TMED8: variants seen among roughly 807,000 people sequenced by gnomAD.
The protein encoded by TMED8 is transmembrane p24 trafficking protein family member 8.
TMED8 carries 15 observed loss-of-function variants against 32.7 expected under a neutral mutation model. The ratio of observed to expected loss-of-function variants is 0.46; its 90% CI spans 0.31 to 0.71. The LOEUF is 0.71. Ranked by LOEUF, TMED8 falls within the 30% of genes least tolerant of loss-of-function variation. The probability of loss-of-function intolerance (pLI) is 0.06; values close to 1 mark genes in which losing one functional copy is unlikely to be tolerated. For missense variants in TMED8, 390 were observed against 423.9 expected, an observed-to-expected ratio of 0.92 and a Z score of 0.70; for synonymous variants, 147 against 161.4, an observed-to-expected ratio of 0.91 and a Z score of 0.68.
Position 77,346,477 on chromosome 14 carries a change from G to T in TMED8, c.199C>A (p.Pro67Thr). 2 of 1,614,126 alleles carry T rather than the reference G, an allele frequency of 1.2e-6. No individual in the cohort carries two copies. The highest frequency in any genetic ancestry group is 1.7e-6 in the Non-Finnish European group (2 of 1,180,024). ...DPEPCSSPHR[P>T]QMVSPVSKDA... ...TTACTCACTGGAGATACCATCTGTG[G>T]CCTCTCAGAGGAAGAGAGCATGTTA... Residue 67 changes from proline to threonine, a missense_variant and splice_region_variant, in exon 3 of 6, where the codon CCA (proline) becomes ACA (threonine). By Grantham distance (38) the Pro-to-Thr change is conservative. Transcript: ENST00000216468.
intron 3 of TMED8, 22 bp downstream of exon 3, chr14:77,346,327 A>T (rs763652827): frequency 3.1e-6 from 5 of 1,612,468 alleles, no homozygotes; most frequent in Non-Finnish European, 3.4e-6. Context: ...TTCATAAGAA[A>T]GAGCCAGAAT....
Position 77,346,347 on chromosome 14 carries a change from A to G in TMED8, c.327+2T>C, listed in dbSNP as rs781095844. ...AAGAAAGAGCCAGAATCTGCCCCCT[A>G]CCTCATTGAGGACCTGGGCCTGGTC... On this transcript the variant is annotated splice_donor_variant, in intron 3 of 5. Coordinates refer to ENST00000216468, the MANE Select transcript of TMED8 (RefSeq NM_213601.3). LOFTEE classifies it high-confidence loss of function. 7 of 1,613,778 alleles carry G rather than the reference A, an allele frequency of 4.3e-6. No individual in the cohort carries two copies. Among genetic ancestry groups the G allele is most frequent in the African/African-American group, 4.0e-5 (3 of 74,932 alleles).
intron 1 of TMED8, among the ~76,000 whole-genome samples, chr14:77,375,367 G>A (rs914899918): frequency 6.6e-6 from 1 of 152,228 alleles, no homozygotes; most frequent in Admixed American, 6.5e-5. Flanking sequence ...TATCTAAAAC[G>A]CGTGGGTACG....
At chr14:77,346,760 G>GTTTTTTTTTTT in intron 2 of TMED8, among the ~76,000 whole-genome samples, 11 of 69,434 alleles carry the variant, frequency 1.6e-4, no homozygotes, top group Admixed American at 3.7e-4. Flanking sequence ...TGCTGGTCTG[G>GTTTTTTTTTTT]TTTTTTTTTT....
intron 2 of TMED8, among the ~76,000 whole-genome samples, chr14:77,347,459 T>G (rs149524998): frequency 2.9e-4 from 44 of 152,336 alleles, no homozygotes; most frequent in African/African-American, 1.0e-3. Context: ...TAGTTGTTTG[T>G]TTTTTGGCAG....
At chr14:77,371,552 C>T (rs186678883) in intron 1 of TMED8, among the ~76,000 whole-genome samples, 17 of 152,084 alleles carry the variant, frequency 1.1e-4, no homozygotes, top group African/African-American at 4.1e-4. Flanking sequence ...AAAGAATGCC[C>T]TAAATTACAT....
chr14:77,371,142 T>C (rs1893670227), intron 1 of TMED8, among the ~76,000 whole-genome samples: 1 of 152,216 alleles, frequency 6.6e-6, no homozygotes, highest in South Asian at 2.1e-4. Context: ...AATAACCTTG[T>C]ATCTATGTCA....
intron 3 of TMED8, 132 bp from the exon 4 acceptor site, chr14:77,343,955 A>G (rs1892971764): frequency 7.1e-6 from 6 of 846,066 alleles, no homozygotes; most frequent in Non-Finnish European, 1.0e-5. Flanking sequence ...GTACTAGTCA[A>G]TGTTCCTTCT....
chr14:77,370,778 C>T lies in TMED8; in HGVS notation c.118+6158G>A, dbSNP rs1893660076. ...GTGTGTGTGTGTGTATACTTTTTCA[C>T]TTTTTTACACAAAAAATGGGCATGC... On this transcript the variant is annotated intron_variant, in intron 1 of 5. Transcript: ENST00000216468. Among the ~76,000 whole-genome samples the T allele has an allele frequency of 3.4e-5, 5 of 149,206 alleles. No homozygotes were observed. The South Asian group carries it at 1.1e-3, about 32-fold the overall frequency.
At position 77,336,781 on chromosome 14, in the gene TMED8, G is replaced by A. The variant is rs545153260; in HGVS notation, c.*4990C>T. 6.6e-6 allele frequency: 1 copy of A among 152,004 alleles called. No homozygotes were observed. Among genetic ancestry groups the A allele is most frequent in the Non-Finnish European group, 1.5e-5 (1 of 68,016 alleles). The allele number at this position is 152,004 out of a possible 1,614,324, so 9.4% of individuals were successfully genotyped here. ...AACAAGTCTCTTATGTAAATATTAG[G>A]GTCACTCAATTCCACACCTTAGAAC... On this transcript the variant is annotated 3_prime_UTR_variant, in exon 6 of 6. Coordinates refer to ENST00000216468, the MANE Select transcript of TMED8 (RefSeq NM_213601.3).
intron 5 of TMED8, 57 bp downstream of exon 5, chr14:77,343,121 G>C: frequency 6.4e-7 from 1 of 1,554,208 alleles, no homozygotes; most frequent in East Asian, 2.3e-5. Context: ...CCACAAAATG[G>C]TCACCAGAAA....
chr14:77,342,763 A>AATGG (rs1358438443), intron 5 of TMED8, among the ~76,000 whole-genome samples: 1 of 152,232 alleles, frequency 6.6e-6, no homozygotes, highest in Non-Finnish European at 1.5e-5. Flanking sequence ...ATAAGGAGAG[A>AATGG]ATGGATACCT....
At chr14:77,344,672 A>T (rs11845842) in intron 3 of TMED8, among the ~76,000 whole-genome samples, 38,321 of 152,130 alleles carry the variant, frequency 0.25, 5,316 homozygotes, top group African/African-American at 0.35. Flanking sequence ...CAACAAGAAA[A>T]CTATACCTAT....
Position 77,335,594 on chromosome 14 carries a change from G to A in TMED8, c.*6177C>T, listed in dbSNP as rs1005716222. On this transcript the variant is annotated 3_prime_UTR_variant, in exon 6 of 6. Coordinates refer to ENST00000216468, the MANE Select transcript of TMED8 (RefSeq NM_213601.3). Reference sequence around the variant, plus strand: ...GAAAATAGAAGCTAAATGACATAAAGTAGTTTGGAAAATCTTCAAGCACCT... The same window carrying A: ...GAAAATAGAAGCTAAATGACATAAAATAGTTTGGAAAATCTTCAAGCACCT... 6.6e-6 allele frequency: 1 copy of A among 152,152 alleles called. No homozygotes were observed. The highest frequency in any genetic ancestry group is 2.4e-5 in the African/African-American group (1 of 41,436). The allele number at this position is 152,152 out of a possible 1,614,324, so 9.4% of individuals were successfully genotyped here.
intron 2 of TMED8, among the ~76,000 whole-genome samples, chr14:77,350,605 T>C (rs1893155483): frequency 6.6e-6 from 1 of 152,220 alleles, no homozygotes; most frequent in East Asian, 1.9e-4. Context: ...ATTGTCTCTT[T>C]GTCTTTGTGC....
At chr14:77,374,325 C>CT (rs1196545426) in intron 1 of TMED8, among the ~76,000 whole-genome samples, 1 of 152,248 alleles carries the variant, frequency 6.6e-6, no homozygotes, top group Non-Finnish European at 1.5e-5. Context: ...TTCCACACTG[C>CT]TTTGGAAGCC....
At chr14:77,363,666 C>A (rs1893488669) in intron 1 of TMED8, among the ~76,000 whole-genome samples, 1 of 151,820 alleles carries the variant, frequency 6.6e-6, no homozygotes, top group African/African-American at 2.4e-5. Flanking sequence ...AAATAATAAT[C>A]ATAATAATAG....
intron 1 of TMED8, among the ~76,000 whole-genome samples, chr14:77,357,807 G>A (rs1383384695): frequency 6.6e-6 from 1 of 152,062 alleles, no homozygotes. Context: ...TCTCTAAGGA[G>A]TCCTGGTTCT....
At chr14:77,360,751 G>C (rs1445955321) in intron 1 of TMED8, among the ~76,000 whole-genome samples, 1 of 152,014 alleles carries the variant, frequency 6.6e-6, no homozygotes, top group African/African-American at 2.4e-5. Context: ...TTTTATTTAG[G>C]AATTTCCATA....
Sources: allele counts gnomAD v4.1 joint callset (sites outside exome capture counted in the v4.1 genomes callset), GRCh38; gene constraint gnomAD v4.1.1; transcripts MANE v1.5; gene names NCBI Gene and HGNC (gene_info 2026-07-23, HGNC 2026-07-21).